Variants in LTBP1 observed in about 807,000 individuals in gnomAD.
LTBP1 encodes latent-transforming growth factor beta-binding protein 1.
In LTBP1, 129 loss-of-function variants were observed where a neutral mutation model predicts 207.6. That is an observed-to-expected ratio of 0.62 (90% confidence interval 0.54 to 0.72). The LOEUF (loss-of-function observed/expected upper bound fraction) is 0.72. Ranked by LOEUF, LTBP1 falls within the 30% of genes least tolerant of loss-of-function variation. The probability of loss-of-function intolerance (pLI) is 0.00; values close to 1 mark genes in which losing one functional copy is unlikely to be tolerated. For missense variants in LTBP1, 2,281 were observed against 2,217.2 expected (o/e 1.03, Z -0.58); for synonymous variants, 963 against 833.7 (o/e 1.16, Z -2.67).
chr2:32,960,258 C>G (rs1344668596), intron 2 of LTBP1, among the ~76,000 whole-genome samples: 1 of 152,156 alleles, frequency 6.6e-6, no homozygotes, highest in African/African-American at 2.4e-5. Flanking sequence ...ATCCTCTTTG[C>G]TCTGAATGCT....
chr2:33,048,561 C>T (rs1363797711), intron 3 of LTBP1, among the ~76,000 whole-genome samples: 4 of 152,176 alleles, frequency 2.6e-5, no homozygotes, highest in Non-Finnish European at 5.9e-5. Context: ...AGATGTTGTA[C>T]TTATGTTTAC....
At chr2:32,986,717 A>G (rs970201545) in intron 2 of LTBP1, among the ~76,000 whole-genome samples, 1 of 152,208 alleles carries the variant, frequency 6.6e-6, no homozygotes, top group Non-Finnish European at 1.5e-5. Context: ...GTCTCTCTCA[A>G]CAAGTCTCAG....
Position 33,129,520 on chromosome 2 carries a change from CATA to C in LTBP1, c.1034-5269_1034-5267del, listed in dbSNP as rs533743219. Among the ~76,000 whole-genome samples, 152 of 152,294 alleles carry C rather than the reference CATA, an allele frequency of 1.0e-3. 3 individuals carry two copies. The South Asian group carries it at 0.031, about 31-fold the overall frequency. ...CCATCATGTGTCAAGATGATTCTTG[CATA>C]ATATGTTGTGAAATTTTAGTAGCAA... is the stretch of plus-strand genomic sequence containing the variant. On this transcript the variant is annotated intron_variant, in intron 4 of 33. Transcript: ENST00000404816.
At position 33,202,022 on chromosome 2, in the gene LTBP1, A is replaced by AACACACACACAGACACAC. The variant is rs1315145413; in HGVS notation, c.1701+13182_1701+13183insGACACACACACACACACA. ...CCTAAGCTCTAAAGCTTAGCACTGG[A>AACACACACACAGACACAC]ACACACACACACACACACACACACA... On this transcript the variant is annotated intron_variant, in intron 7 of 33. Coordinates refer to ENST00000404816, the MANE Select transcript of LTBP1 (RefSeq NM_206943.4). Among the ~76,000 whole-genome samples, 417 of 140,662 alleles carry AACACACACACAGACACAC rather than the reference A, an allele frequency of 3.0e-3. 11 individuals are homozygous for AACACACACACAGACACAC. Among genetic ancestry groups the AACACACACACAGACACAC allele is most frequent in the African/African-American group, 0.011 (392 of 36,190 alleles). The allele number at this position is 140,662 out of a possible 152,430, so 92.3% of individuals were successfully genotyped here. A position where few individuals can be genotyped will look rare whatever the true frequency, so the allele number is the denominator to read the frequency against.
intron 22 of LTBP1, among the ~76,000 whole-genome samples, chr2:33,307,805 A>T (rs1340923788): frequency 6.6e-6 from 1 of 152,238 alleles, no homozygotes; most frequent in Non-Finnish European, 1.5e-5. Context: ...CTGGGTGAAC[A>T]GTCATTATAA....
chr2:33,161,244 G>C (rs1029127317), intron 5 of LTBP1, among the ~76,000 whole-genome samples: 2 of 151,314 alleles, frequency 1.3e-5, no homozygotes, highest in African/African-American at 4.8e-5. Context: ...AGGTTAAATA[G>C]GAAGCTTTTT....
At chr2:33,184,128 A>C (rs1453104132) in intron 5 of LTBP1, among the ~76,000 whole-genome samples, 1 of 152,044 alleles carries the variant, frequency 6.6e-6, no homozygotes, top group African/African-American at 2.4e-5. Flanking sequence ...TTCAACTTGA[A>C]TTTCAATTGC....
At chr2:33,119,656 A>G (rs1014753020) in intron 4 of LTBP1, among the ~76,000 whole-genome samples, 1 of 152,120 alleles carries the variant, frequency 6.6e-6, no homozygotes, top group Non-Finnish European at 1.5e-5. Flanking sequence ...TCCCGGGTTC[A>G]TGCCATTCTT....
At chr2:33,365,765 C>T (rs759237440) in intron 31 of LTBP1, among the ~76,000 whole-genome samples, 2 of 150,854 alleles carry the variant, frequency 1.3e-5, no homozygotes, top group Non-Finnish European at 3.0e-5. Context: ...CCCAAAAAAA[C>T]ATAACTTAGC....
At chr2:33,226,927 A>G (rs1261494420) in intron 9 of LTBP1, among the ~76,000 whole-genome samples, 1 of 152,172 alleles carries the variant, frequency 6.6e-6, no homozygotes, top group Non-Finnish European at 1.5e-5. Flanking sequence ...AGGTCTATCT[A>G]AACATCTTTG....
At chr2:33,153,445 G>T (rs950947791) in intron 5 of LTBP1, among the ~76,000 whole-genome samples, 3 of 152,162 alleles carry the variant, frequency 2.0e-5, no homozygotes, top group Admixed American at 1.3e-4. Context: ...CAATAAGGCT[G>T]CAGAGGACAA....
chr2:32,993,351 T>A (rs563723720), intron 2 of LTBP1, among the ~76,000 whole-genome samples: 2 of 152,280 alleles, frequency 1.3e-5, no homozygotes, highest in African/African-American at 4.8e-5. Flanking sequence ...ATTCCCAGTA[T>A]CTTAGAGTTC....
At chr2:33,181,582 A>C (rs979414430) in intron 5 of LTBP1, among the ~76,000 whole-genome samples, 1 of 152,224 alleles carries the variant, frequency 6.6e-6, no homozygotes, top group Admixed American at 6.5e-5. Context: ...ACCTCTTGTT[A>C]ATTGCAGTAG....
intron 3 of LTBP1, among the ~76,000 whole-genome samples, chr2:33,026,570 G>A (rs2075424574): frequency 6.6e-6 from 1 of 152,038 alleles, no homozygotes; most frequent in African/African-American, 2.4e-5. Flanking sequence ...ATTCCTTATG[G>A]TATGTGGTCT....
chr2:33,214,507 A>G (rs552374196), intron 7 of LTBP1, among the ~76,000 whole-genome samples: 4 of 151,734 alleles, frequency 2.6e-5, no homozygotes, highest in Non-Finnish European at 4.4e-5. Flanking sequence ...CCCACCTACC[A>G]CTTTATCACT....
intron 24 of LTBP1, among the ~76,000 whole-genome samples, chr2:33,331,001 T>C (rs2094487373): frequency 6.6e-6 from 1 of 152,030 alleles, no homozygotes; most frequent in South Asian, 2.1e-4. Flanking sequence ...CAGTAAGTTT[T>C]GTTTTCCAAG....
At position 32,947,024 on chromosome 2, in the gene LTBP1, C is replaced by T. The variant is rs1676277294; in HGVS notation, c.-301C>T. On this transcript the variant is annotated 5_prime_UTR_variant, in exon 1 of 34. Transcript: ENST00000404816. ...CCCCGCTGCGGCGCGCGCTGCAACCCCCGGCCGGACGCGCGGACCCTCACC... is the reference window on the plus strand; with the variant it reads ...CCCCGCTGCGGCGCGCGCTGCAACCTCCGGCCGGACGCGCGGACCCTCACC... 8.5e-6 allele frequency: 2 copies of T among 234,040 alleles called. No homozygotes were observed. The highest frequency in any genetic ancestry group is 1.8e-4 in the South Asian group (1 of 5,604). The allele number at this position is 234,040 out of a possible 1,614,324, so 14.5% of individuals were successfully genotyped here.
At chr2:33,124,102 A>C (rs974919584) in intron 4 of LTBP1, among the ~76,000 whole-genome samples, 2 of 152,214 alleles carry the variant, frequency 1.3e-5, no homozygotes, top group African/African-American at 4.8e-5. Context: ...AGAGGTGTTT[A>C]GCTTAACAAA....
At position 33,134,703 on chromosome 2, in the gene LTBP1, T is replaced by G; in HGVS notation, c.1034-90T>G. 1.2e-6 allele frequency: 2 copies of G among 1,607,492 alleles called. No individual in the cohort carries two copies. Among genetic ancestry groups the G allele is most frequent in the East Asian group, 2.2e-5 (1 of 44,852 alleles). On this transcript the variant is annotated intron_variant, in intron 4 of 33. Transcript: ENST00000404816. This position sits in a 1 kb window ranked among gnomAD's most constrained non-coding sequence, Gnocchi z 4.4. The stretch of plus-strand genomic sequence containing the variant: ...TCCCCTCTTGCTCCTTTCTTTTCTT[T>G]TTTTCTGTTTTTTTAAACCTTCCAA...
Sources: gnomAD v4.1 joint callset for allele counts (sites outside exome capture counted in the v4.1 genomes callset) on GRCh38, gnomAD v4.1.1 for gene constraint, Gnocchi (gnomAD v3.1) non-coding constraint, MANE v1.5 for transcripts, NCBI Gene and HGNC (gene_info 2026-07-23, HGNC 2026-07-21) for gene names.